Variants in NRXN3 observed in about 807,000 individuals in gnomAD.
NRXN3 encodes the protein neurexin III.
NRXN3 carries 32 observed loss-of-function variants against 137.6 expected under a neutral mutation model. The observed-to-expected ratio is 0.23, with a 90% CI of 0.18 to 0.31. The LOEUF (loss-of-function observed/expected upper bound fraction) is 0.31, where lower values mean the gene tolerates loss of function less well. Among genes scored for constraint, NRXN3 ranks in the 10% least tolerant of loss-of-function variants. The probability of loss-of-function intolerance (pLI) is 1.00; values close to 1 mark genes in which losing one functional copy is unlikely to be tolerated. For missense variants in NRXN3, 1,574 were observed against 2,062.5 expected (o/e 0.76, Z 4.59); for synonymous variants, 798 against 784.5 (o/e 1.02, Z -0.29).
At chr14:78,368,476 C>T (rs552557481) in intron 4 of NRXN3, among the ~76,000 whole-genome samples, 1 of 152,138 alleles carries the variant, frequency 6.6e-6, no homozygotes, top group South Asian at 2.1e-4. Context: ...TTTGGGAGGC[C>T]GAGGTGGGAG....
intron 15 of NRXN3, among the ~76,000 whole-genome samples, chr14:79,163,815 G>T (rs1167647918): frequency 6.6e-6 from 1 of 151,850 alleles, no homozygotes; most frequent in Non-Finnish European, 1.5e-5. Flanking sequence ...GTACAGTGAG[G>T]ATAAAAATCA....
intron 15 of NRXN3, among the ~76,000 whole-genome samples, chr14:79,198,209 CTCT>C (rs1459721157): frequency 6.6e-6 from 1 of 152,118 alleles, no homozygotes; most frequent in Non-Finnish European, 1.5e-5. Flanking sequence ...CCCTTATGTG[CTCT>C]TGTTTTGAAT....
intron 2 of NRXN3, among the ~76,000 whole-genome samples, chr14:78,251,370 C>T (rs1325598077): frequency 3.9e-5 from 6 of 152,190 alleles, no homozygotes; most frequent in Non-Finnish European, 8.8e-5. Flanking sequence ...TGAAACTAAG[C>T]CTTTCGTACA....
chr14:79,111,036 C>T (rs928576474), intron 15 of NRXN3, among the ~76,000 whole-genome samples: 4 of 151,982 alleles, frequency 2.6e-5, no homozygotes, highest in South Asian at 2.1e-4. Context: ...GTGGTCTGCC[C>T]GCCTCGGCCT....
At chr14:78,744,222 G>T (rs779753092) in intron 8 of NRXN3, among the ~76,000 whole-genome samples, 1 of 152,106 alleles carries the variant, frequency 6.6e-6, no homozygotes, top group East Asian at 1.9e-4. Context: ...GTTCACTGCA[G>T]CCTCCGCCTC....
At chr14:78,417,391 A>G (rs1256594948) in intron 4 of NRXN3, among the ~76,000 whole-genome samples, 1 of 152,168 alleles carries the variant, frequency 6.6e-6, no homozygotes, top group Non-Finnish European at 1.5e-5. Context: ...TGGAAGATGC[A>G]CCACAAACAT....
chr14:78,387,769 G>C (rs530891457), intron 4 of NRXN3, among the ~76,000 whole-genome samples: 2 of 152,264 alleles, frequency 1.3e-5, no homozygotes, highest in East Asian at 3.9e-4. Flanking sequence ...AAGTGCAGGC[G>C]AGTGACTGCC....
chr14:79,544,854 T>A (rs1458016973), intron 16 of NRXN3, among the ~76,000 whole-genome samples: 1 of 152,142 alleles, frequency 6.6e-6, no homozygotes, highest in East Asian at 1.9e-4. Context: ...GTCCTAGCAA[T>A]CTGTGTTTTA....
intron 4 of NRXN3, among the ~76,000 whole-genome samples, chr14:78,395,831 T>G (rs2091394540): frequency 6.6e-6 from 1 of 152,078 alleles, no homozygotes; most frequent in African/African-American, 2.4e-5. Context: ...TATCTTTGTG[T>G]GATTTATCTT....
intron 2 of NRXN3, among the ~76,000 whole-genome samples, chr14:78,270,806 T>C (rs1596579497): frequency 6.6e-6 from 1 of 152,364 alleles, no homozygotes; most frequent in African/African-American, 2.4e-5. Context: ...GTTTTGAAAA[T>C]GCAAATTTGT....
chr14:79,145,230 G>T (rs1305584517), intron 15 of NRXN3, among the ~76,000 whole-genome samples: 1 of 152,116 alleles, frequency 6.6e-6, no homozygotes, highest in African/African-American at 2.4e-5. Flanking sequence ...GATTATTTAG[G>T]TAAAGTATAT....
At chr14:79,663,550 C>G (rs2098544557) in intron 16 of NRXN3, among the ~76,000 whole-genome samples, 1 of 152,072 alleles carries the variant, frequency 6.6e-6, no homozygotes, top group Admixed American at 6.6e-5. Context: ...AATGATGTAA[C>G]CTGTGCGGTG....
chr14:79,533,852 G>A (rs868565497), intron 16 of NRXN3, among the ~76,000 whole-genome samples: 1 of 152,176 alleles, frequency 6.6e-6, no homozygotes, highest in South Asian at 2.1e-4. Flanking sequence ...TCCATTCTCA[G>A]TAACCAGAGC....
Position 78,243,036 on chromosome 14 carries a change from C to T in NRXN3, c.-58C>T, listed in dbSNP as rs1188769853. The stretch of plus-strand genomic sequence containing the variant: ...CACTTCTATTGCCAAAGGGAGAGAT[C>T]CTCTCCGGGCTGTTCCCTGGCCTGT... On this transcript the variant is annotated 5_prime_UTR_variant, in exon 2 of 21. Coordinates refer to ENST00000335750, the MANE Select transcript of NRXN3 (RefSeq NM_001330195.2). This position sits in a 1 kb window ranked among gnomAD's most constrained non-coding sequence, Gnocchi z 4.2. 1 of 1,268,186 alleles carries T rather than the reference C, an allele frequency of 7.9e-7. No homozygotes were observed. The highest frequency in any genetic ancestry group is 1.5e-5 in the African/African-American group (1 of 66,284). The allele number at this position is 1,268,186 out of a possible 1,614,324, so 78.6% of individuals were successfully genotyped here.
At chr14:78,701,598 T>C (rs1444279235) in intron 6 of NRXN3, among the ~76,000 whole-genome samples, 1 of 152,234 alleles carries the variant, frequency 6.6e-6, no homozygotes, top group Non-Finnish European at 1.5e-5. Flanking sequence ...TATATTTTCT[T>C]GGCCACTCTC....
intron 4 of NRXN3, among the ~76,000 whole-genome samples, chr14:78,445,261 A>G (rs917702443): frequency 6.6e-6 from 1 of 152,148 alleles, no homozygotes; most frequent in Non-Finnish European, 1.5e-5. Context: ...GTTATTGGAA[A>G]ACCTGGGTCC....
intron 15 of NRXN3, among the ~76,000 whole-genome samples, chr14:79,376,324 C>T (rs1373907383): frequency 1.4e-5 from 2 of 145,130 alleles, no homozygotes; most frequent in Middle Eastern, 3.9e-3. Context: ...CTTCCTTGAC[C>T]CATTACCTCC....
At chr14:78,606,552 T>A (rs982046201) in intron 4 of NRXN3, among the ~76,000 whole-genome samples, 1 of 152,230 alleles carries the variant, frequency 6.6e-6, no homozygotes, top group African/African-American at 2.4e-5. Flanking sequence ...ACTTACGGTC[T>A]CTCCCGCTAG....
intron 6 of NRXN3, 49 bp downstream of exon 6, chr14:78,651,375 A>G (rs2097741110): frequency 6.4e-7 from 1 of 1,572,062 alleles, no homozygotes; most frequent in East Asian, 2.2e-5. Context: ...TGTTTCATTT[A>G]TAAACAAATG....
Sources: allele counts gnomAD v4.1 joint callset (sites outside exome capture counted in the v4.1 genomes callset), GRCh38; gene constraint gnomAD v4.1.1; non-coding constraint Gnocchi (gnomAD v3.1); transcripts MANE v1.5; gene names NCBI Gene and HGNC (gene_info 2026-07-23, HGNC 2026-07-21).